The following B3GALT1 variants were observed in gnomAD, a reference collection of about 807,000 sequenced individuals.
The protein encoded by B3GALT1 is beta-1,3-galactosyltransferase 1.
A neutral mutation model predicts 23.2 loss-of-function variants in B3GALT1; 10 were observed. That is an observed-to-expected ratio of 0.43 (90% confidence interval 0.27 to 0.73). The LOEUF is 0.73. Ranked by LOEUF, B3GALT1 falls within the 30% of genes least tolerant of loss-of-function variation. The probability of loss-of-function intolerance (pLI) is 0.21; values close to 1 mark genes in which losing one functional copy is unlikely to be tolerated. For missense variants in B3GALT1, 299 were observed against 405.4 expected (o/e 0.74, Z 2.25); for synonymous variants, 156 against 141.5 (o/e 1.10, Z -0.73).
At chr2:167,367,742 A>T (rs1302838606) in intron 1 of B3GALT1, among the ~76,000 whole-genome samples, 6 of 152,192 alleles carry the variant, frequency 3.9e-5, no homozygotes, top group Admixed American at 3.9e-4. Flanking sequence ...TCCTTGCCAA[A>T]TAAAAAAAAG....
At chr2:167,678,216 A>C (rs1686462453) in intron 3 of B3GALT1, among the ~76,000 whole-genome samples, 1 of 152,178 alleles carries the variant, frequency 6.6e-6, no homozygotes, top group South Asian at 2.1e-4. Context: ...TCTGACATCC[A>C]TCACAGGTTT....
intron 3 of B3GALT1, among the ~76,000 whole-genome samples, chr2:167,795,810 A>T (rs1225671569): frequency 6.6e-6 from 1 of 152,244 alleles, no homozygotes; most frequent in African/African-American, 2.4e-5. Flanking sequence ...TTCCTCCAGA[A>T]AATGAACTTT....
chr2:167,512,613 TATATATACGTGTATATATATATAC>T (rs1558887883), intron 2 of B3GALT1, among the ~76,000 whole-genome samples: 1 of 96,700 alleles, frequency 1.0e-5, no homozygotes, highest in Non-Finnish European at 1.8e-5. Context: ...TATATGTATA[TATATATACGTGTATATATATATAC>T]ATATATATAT....
chr2:167,464,989 T>G (rs6712894), intron 1 of B3GALT1, among the ~76,000 whole-genome samples: 2,462 of 152,282 alleles, frequency 0.016, 60 homozygotes, highest in African/African-American at 0.056. Context: ...AATAAATAAG[T>G]AAATAAATTT....
intron 2 of B3GALT1, among the ~76,000 whole-genome samples, chr2:167,518,749 A>T (rs1700139732): frequency 6.6e-6 from 1 of 152,214 alleles, no homozygotes; most frequent in South Asian, 2.1e-4. Context: ...GCTACAGTGC[A>T]TTTGAAGGAA....
intron 2 of B3GALT1, among the ~76,000 whole-genome samples, chr2:167,583,648 A>G (rs1684528788): frequency 6.6e-6 from 1 of 151,714 alleles, no homozygotes; most frequent in Non-Finnish European, 1.5e-5. Flanking sequence ...TGATGTCAGC[A>G]TTCTTTAAAA....
At chr2:167,798,743 T>C (rs373097671) in intron 3 of B3GALT1, among the ~76,000 whole-genome samples, 1 of 152,224 alleles carries the variant, frequency 6.6e-6, no homozygotes, top group African/African-American at 2.4e-5. Flanking sequence ...TTCTTTTTGC[T>C]TAGAATTGTC....
At chr2:167,363,080 C>T (rs1024917950) in intron 1 of B3GALT1, among the ~76,000 whole-genome samples, 3 of 151,770 alleles carry the variant, frequency 2.0e-5, no homozygotes, top group Non-Finnish European at 2.9e-5. Flanking sequence ...GTCCCAAACT[C>T]CTGACCTCAT....
chr2:167,644,779 T>TAAAAAAAAA (rs199652424), intron 2 of B3GALT1, among the ~76,000 whole-genome samples: 1 of 91,172 alleles, frequency 1.1e-5, no homozygotes, highest in African/African-American at 4.5e-5. Flanking sequence ...GACTCTGTCT[T>TAAAAAAAAA]AAAAAAAAAA....
chr2:167,461,450 A>T (rs1229589037), intron 1 of B3GALT1, among the ~76,000 whole-genome samples: 2 of 152,124 alleles, frequency 1.3e-5, no homozygotes, highest in Admixed American at 6.6e-5. Context: ...TTCCTACTTC[A>T]CCATCTTTCT....
At chr2:167,479,069 T>C (rs1330273984) in intron 1 of B3GALT1, among the ~76,000 whole-genome samples, 1 of 151,678 alleles carries the variant, frequency 6.6e-6, no homozygotes, top group Admixed American at 6.6e-5. Flanking sequence ...GGCTCAAAAA[T>C]AAATAAATAA....
At chr2:167,348,397 C>G (rs1697257804) in intron 1 of B3GALT1, among the ~76,000 whole-genome samples, 3 of 151,972 alleles carry the variant, frequency 2.0e-5, no homozygotes, top group African/African-American at 7.3e-5. Context: ...GCATTACTAC[C>G]TTTAATTGCA....
chr2:167,478,434 C>G (rs1052728454), intron 1 of B3GALT1, among the ~76,000 whole-genome samples: 1 of 152,006 alleles, frequency 6.6e-6, no homozygotes, highest in Non-Finnish European at 1.5e-5. Context: ...GGGCTGGACT[C>G]GGTAATCCAT....
chr2:167,527,680 G>A (rs922520276), intron 2 of B3GALT1, among the ~76,000 whole-genome samples: 11 of 152,018 alleles, frequency 7.2e-5, no homozygotes, highest in African/African-American at 1.4e-4. Context: ...CATAATAATC[G>A]TGTGTACTGG....
rs117140295 is a variant in B3GALT1, at chr2:167,612,962, T to C, written c.-409-33947T>C. 2.2e-3 allele frequency among the ~76,000 whole-genome samples: 335 copies of C among 152,108 alleles called. 5 individuals are homozygous for C. In the East Asian group the frequency reaches 0.045, roughly 20 times the overall value. On this transcript the variant is annotated intron_variant, in intron 2 of 4. Coordinates refer to ENST00000392690, the MANE Select transcript of B3GALT1 (RefSeq NM_020981.4). ...TAAGTTGTGTTATTGGAAGTCAATATTGTGTGTCAAAAATAAATGTAGTGT... is the reference window on the plus strand; with the variant it reads ...TAAGTTGTGTTATTGGAAGTCAATACTGTGTGTCAAAAATAAATGTAGTGT...
At chr2:167,691,201 C>T (rs1467272312) in intron 3 of B3GALT1, among the ~76,000 whole-genome samples, 1 of 152,062 alleles carries the variant, frequency 6.6e-6, no homozygotes, top group Non-Finnish European at 1.5e-5. Context: ...TCATTTGTTT[C>T]CTTCTTCAGA....
intron 1 of B3GALT1, among the ~76,000 whole-genome samples, chr2:167,419,061 A>G (rs1698511127): frequency 6.6e-6 from 1 of 152,242 alleles, no homozygotes; most frequent in Non-Finnish European, 1.5e-5. Context: ...AAAAAATATT[A>G]TTAGGGAAGT....
chr2:167,485,379 A>G (rs1699612024), intron 1 of B3GALT1, among the ~76,000 whole-genome samples: 1 of 152,124 alleles, frequency 6.6e-6, no homozygotes. Flanking sequence ...GTAACTAACA[A>G]TCAGGATAGT....
intron 1 of B3GALT1, among the ~76,000 whole-genome samples, chr2:167,325,082 C>T (rs1447598621): frequency 2.6e-5 from 4 of 152,086 alleles, no homozygotes; most frequent in African/African-American, 4.8e-5. Context: ...ATGATATCCA[C>T]ATTTTAAAAA....
Sources: allele counts gnomAD v4.1 joint callset (sites outside exome capture counted in the v4.1 genomes callset), GRCh38; gene constraint gnomAD v4.1.1; transcripts MANE v1.5; gene names NCBI Gene and HGNC (gene_info 2026-07-23, HGNC 2026-07-21).